Variants in STAU2 observed in about 807,000 individuals in gnomAD.
STAU2 encodes the protein double-stranded RNA-binding protein Staufen homolog 2.
Under a neutral mutation model 65.9 loss-of-function variants are expected in STAU2, and 20 were observed. That is an observed-to-expected ratio of 0.30 (90% confidence interval 0.21 to 0.44). STAU2 has a LOEUF of 0.44. Among genes scored for constraint, STAU2 ranks in the 20% least tolerant of loss-of-function variants. STAU2 has a pLI of 1.00. For missense variants in STAU2, 558 were observed against 683.9 expected (o/e 0.82, Z 2.05); for synonymous variants, 232 against 233.9 (o/e 0.99, Z 0.07).
intron 13 of STAU2, among the ~76,000 whole-genome samples, chr8:73,487,400 G>C (rs976627623): frequency 6.6e-6 from 1 of 152,114 alleles, no homozygotes; most frequent in Non-Finnish European, 1.5e-5. Flanking sequence ...TAATAAGAAA[G>C]TGAAGAGGTG....
In STAU2 at chr8:73,477,151, G is replaced by C. The variant is rs541217088; in HGVS notation, c.1531-54449C>G. Among the ~76,000 whole-genome samples the C allele has an allele frequency of 5.9e-5, 9 of 152,252 alleles. No homozygotes were observed. In the South Asian group the frequency reaches 1.9e-3, roughly 32 times the overall value. On this transcript the variant is annotated intron_variant, in intron 13 of 14. Transcript: ENST00000524300. Reference sequence around the variant, plus strand: ...CCTGGGGACACTAAGAGGTTCAGGAGAGTGGAGCCATCAGACGGGAGGGGA... The same window carrying C: ...CCTGGGGACACTAAGAGGTTCAGGACAGTGGAGCCATCAGACGGGAGGGGA...
chr8:73,682,784 T>C (rs970046256), intron 5 of STAU2, among the ~76,000 whole-genome samples: 3 of 151,928 alleles, frequency 2.0e-5, no homozygotes, highest in Non-Finnish European at 4.4e-5. Context: ...ACAGGAGATA[T>C]AACAACTGAT....
chr8:73,641,289 G>A (rs796469522), intron 6 of STAU2, among the ~76,000 whole-genome samples: 12 of 152,146 alleles, frequency 7.9e-5, no homozygotes, highest in African/African-American at 2.9e-4. Flanking sequence ...ACCCCAGAAA[G>A]TGGTGGTTGC....
chr8:73,554,582 T>C (rs1807583177), intron 12 of STAU2, among the ~76,000 whole-genome samples: 1 of 152,196 alleles, frequency 6.6e-6, no homozygotes. Flanking sequence ...TATCTTAAAT[T>C]TCCCTGCCAA....
intron 3 of STAU2, among the ~76,000 whole-genome samples, chr8:73,735,441 G>C (rs1426613280): frequency 6.6e-6 from 1 of 152,184 alleles, no homozygotes; most frequent in Non-Finnish European, 1.5e-5. Flanking sequence ...ATACACTTCT[G>C]TTAAGATTGA....
intron 13 of STAU2, among the ~76,000 whole-genome samples, chr8:73,510,048 T>C (rs1044315738): frequency 1.3e-5 from 2 of 152,172 alleles, no homozygotes; most frequent in African/African-American, 2.4e-5. Flanking sequence ...AAATCTTTAA[T>C]TGGAAAGTAT....
In STAU2 at chr8:73,596,160, A is replaced by G. The variant is rs148552452; in HGVS notation, c.1030-863T>C. On this transcript the variant is annotated intron_variant, in intron 10 of 14. Transcript: ENST00000524300. ...CAAGTCAGATTGGGATATGAAACTC[A>G]ACTCTATTATTTCCTAGCTGTACGA... Among the ~76,000 whole-genome samples the G allele has an allele frequency of 2.9e-3, 448 of 152,090 alleles. 1 individual carries two copies. The highest frequency in any genetic ancestry group is 4.1e-3 in the Non-Finnish European group (279 of 67,980).
At position 73,552,221 on chromosome 8, in the gene STAU2, G is replaced by A; in HGVS notation, c.1321C>T (p.Pro441Ser). 1 of 1,613,988 alleles carries A rather than the reference G, an allele frequency of 6.2e-7. No individual in the cohort carries two copies. Among genetic ancestry groups the A allele is most frequent in the Non-Finnish European group, 8.5e-7 (1 of 1,179,876 alleles). The change falls in exon 13 of 15, where the codon CCC becomes TCC. Residue 441 changes from proline to serine, a missense_variant. This residue lies in a region of STAU2 where 247 missense variants were observed against 270.1 expected (regional missense o/e 0.91). Transcript: ENST00000524300. ...CTTGAAGGTTGGTTCATATCTTTGG[G>A]TGACAAATAGCCTAGAGTAGTGCCA... ...ISGTTLGYLS[P>S]KDMNQPSSSF...
chr8:73,704,582 G>T (rs1820363129), intron 4 of STAU2, among the ~76,000 whole-genome samples: 1 of 152,168 alleles, frequency 6.6e-6, no homozygotes, highest in Non-Finnish European at 1.5e-5. Context: ...GTTCAAAAAA[G>T]TGGGTAGGGG....
rs1448842516 is a variant in STAU2 at position 73,420,987 on chromosome 8, C to G, written c.*385G>C. ...GAAATGAGAGAGAGAGAGAATATAA[C>G]TGAACACAAGCACCACGACAAAACA... On this transcript the variant is annotated 3_prime_UTR_variant, in exon 15 of 15. Coordinates refer to ENST00000524300, the MANE Select transcript of STAU2 (RefSeq NM_001164380.2). 1.1e-5 allele frequency: 2 copies of G among 175,680 alleles called. No homozygotes were observed. The highest frequency in any genetic ancestry group is 2.4e-5 in the Non-Finnish European group (2 of 82,896). The allele number at this position is 175,680 out of a possible 1,614,324, so 10.9% of individuals were successfully genotyped here.
chr8:73,505,503 T>C (rs1585892271), intron 13 of STAU2, among the ~76,000 whole-genome samples: 1 of 152,190 alleles, frequency 6.6e-6, no homozygotes, highest in Middle Eastern at 3.4e-3. Context: ...GAGGACCCCC[T>C]GAGACATGGA....
rs149077712 is a variant in STAU2 at position 73,568,915 on chromosome 8, A to T, written c.1222+13855T>A. ...CTGCAGCTCCCAGTGTGAGCGATGCAGAAGACGGGTGATTTCTGCATTCCA... is the reference window on the plus strand; with the variant it reads ...CTGCAGCTCCCAGTGTGAGCGATGCTGAAGACGGGTGATTTCTGCATTCCA... On this transcript the variant is annotated intron_variant, in intron 12 of 14. Coordinates refer to ENST00000524300, the MANE Select transcript of STAU2 (RefSeq NM_001164380.2). Among the ~76,000 whole-genome samples the T allele has an allele frequency of 4.1e-3, 619 of 152,318 alleles. 7 individuals carry two copies. The highest frequency in any genetic ancestry group is 0.013 in the African/African-American group (554 of 41,574).
At chr8:73,527,665 A>G (rs1805535627) in intron 13 of STAU2, 1 of 1,520,172 alleles carries the variant, frequency 6.6e-7, no homozygotes, top group South Asian at 1.2e-5. Flanking sequence ...GCCATAACAC[A>G]GCAAAATGGC....
At chr8:73,599,773 T>A (rs1196417735) in intron 10 of STAU2, among the ~76,000 whole-genome samples, 11 of 151,892 alleles carry the variant, frequency 7.2e-5, no homozygotes, top group Non-Finnish European at 1.5e-5. Context: ...AACAGTACTT[T>A]TTTTTTTTTT....
intron 13 of STAU2, among the ~76,000 whole-genome samples, chr8:73,548,284 C>T (rs575834290): frequency 6.6e-6 from 1 of 150,572 alleles, no homozygotes; most frequent in East Asian, 1.9e-4. Context: ...TGCAAATAGC[C>T]ACCTTGATGA....
chr8:73,570,590 A>C (rs1808996996), intron 12 of STAU2, among the ~76,000 whole-genome samples: 2 of 152,374 alleles, frequency 1.3e-5, no homozygotes, highest in South Asian at 4.1e-4. Context: ...AATTCAGGAA[A>C]TACAGAGAAC....
chr8:73,575,128 T>TA (rs5892429), intron 12 of STAU2, among the ~76,000 whole-genome samples: 36 of 138,046 alleles, frequency 2.6e-4, no homozygotes, highest in African/African-American at 6.6e-4. Flanking sequence ...TCCTACCAAG[T>TA]AAAAAAAAAA....
intron 12 of STAU2, among the ~76,000 whole-genome samples, chr8:73,574,232 C>T (rs544987130): frequency 1.3e-5 from 2 of 152,106 alleles, no homozygotes; most frequent in South Asian, 2.1e-4. Flanking sequence ...GTTAGAATGG[C>T]GATAATTAAA....
At chr8:73,699,373 T>C (rs1459609132) in intron 4 of STAU2, among the ~76,000 whole-genome samples, 2 of 150,488 alleles carry the variant, frequency 1.3e-5, no homozygotes, top group African/African-American at 4.9e-5. Flanking sequence ...ACGAGATCAC[T>C]AGAACAAAAA....
Sources: allele counts gnomAD v4.1 joint callset (sites outside exome capture counted in the v4.1 genomes callset), GRCh38; gene constraint gnomAD v4.1.1; regional missense constraint gnomAD v4.1.1; transcripts MANE v1.5; gene names NCBI Gene and HGNC (gene_info 2026-07-23, HGNC 2026-07-21).